The following NEK11 variants were observed in gnomAD, a reference collection of about 807,000 sequenced individuals.
NEK11 encodes serine/threonine-protein kinase Nek11.
In NEK11, 72 loss-of-function variants were observed where a neutral mutation model predicts 80.7. That is an observed-to-expected ratio of 0.89 (90% CI 0.74 to 1.08). The LOEUF is 1.08. Among genes scored for constraint, NEK11 ranks in the 50% least tolerant of loss-of-function variants. The probability of loss-of-function intolerance (pLI) is 0.00; values close to 1 mark genes in which losing one functional copy is unlikely to be tolerated. For synonymous variants in NEK11, 251 were observed against 260.7 expected (o/e 0.96, Z 0.36); for missense variants, 764 against 763.6 (o/e 1.00, Z -0.01).
intron 17 of NEK11, among the ~76,000 whole-genome samples, chr3:131,304,504 G>A (rs2096701001): frequency 6.6e-6 from 1 of 152,312 alleles, no homozygotes; most frequent in Admixed American, 6.5e-5. Flanking sequence ...TCTTGTGCTG[G>A]TTCTTTCTCA....
intron 16 of NEK11, among the ~76,000 whole-genome samples, chr3:131,249,627 A>C (rs779433432): frequency 6.6e-6 from 1 of 152,124 alleles, no homozygotes; most frequent in African/African-American, 2.4e-5. Context: ...CCCAGATACC[A>C]TTCCTACTTG....
intron 4 of NEK11, among the ~76,000 whole-genome samples, chr3:131,091,588 A>C (rs1282394974): frequency 6.6e-6 from 1 of 152,338 alleles, no homozygotes; most frequent in East Asian, 1.9e-4. Flanking sequence ...AAAAATAAAG[A>C]AGTTGATATA....
intron 17 of NEK11, among the ~76,000 whole-genome samples, chr3:131,285,007 C>G (rs900712019): frequency 9.9e-5 from 15 of 152,136 alleles, no homozygotes; most frequent in Admixed American, 8.5e-4. Context: ...TAGTTCTGTC[C>G]CTCTAGAGAA....
intron 17 of NEK11, among the ~76,000 whole-genome samples, chr3:131,298,858 CCTT>C (rs2096630028): frequency 6.7e-6 from 1 of 150,298 alleles, no homozygotes; most frequent in African/African-American, 2.4e-5. Context: ...TCTCTGTTCT[CCTT>C]CTAGTATTTT....
At chr3:131,197,404 G>A (rs1022843889) in intron 14 of NEK11, among the ~76,000 whole-genome samples, 1 of 152,160 alleles carries the variant, frequency 6.6e-6, no homozygotes, top group Non-Finnish European at 1.5e-5. Context: ...GACTGCGTCT[G>A]GGGCTCCATT....
chr3:131,195,943 G>A (rs958714992), intron 14 of NEK11, among the ~76,000 whole-genome samples: 4 of 150,950 alleles, frequency 2.6e-5, no homozygotes, highest in Admixed American at 6.6e-5. Context: ...AAATGCGTCC[G>A]ATAAATACTT....
chr3:131,302,240 C>T (rs569029449), intron 17 of NEK11, among the ~76,000 whole-genome samples: 6 of 151,196 alleles, frequency 4.0e-5, no homozygotes, highest in Non-Finnish European at 4.4e-5. Context: ...TTATTTGGGT[C>T]TTCTCATTTT....
At position 131,165,532 on chromosome 3, in the gene NEK11, T is replaced by A; in HGVS notation, c.1176+13T>A. ...TGATGTACTCCATGTAAGTACCCTC[T>A]TATTTTAAATTTTACATAAAAATTT... On this transcript the variant is annotated intron_variant, in intron 12 of 17. Transcript: ENST00000383366. 2 of 1,541,390 alleles carry A rather than the reference T, an allele frequency of 1.3e-6. No individual in the cohort carries two copies. Among genetic ancestry groups the A allele is most frequent in the Non-Finnish European group, 1.8e-6 (2 of 1,124,560 alleles).
chr3:131,184,728 G>T, intron 14 of NEK11: 2 of 1,245,072 alleles, frequency 1.6e-6, no homozygotes, highest in Non-Finnish European at 2.1e-6. Flanking sequence ...TTCACTAGAC[G>T]AATACTGGAA....
At chr3:131,179,167 T>G (rs900500984) in intron 14 of NEK11, among the ~76,000 whole-genome samples, 6 of 152,150 alleles carry the variant, frequency 3.9e-5, no homozygotes, top group Non-Finnish European at 8.8e-5. Context: ...CTGCAGAGGA[T>G]CAAGCAATAA....
chr3:131,125,320 T>C (rs1464916603), intron 5 of NEK11, among the ~76,000 whole-genome samples: 1 of 152,192 alleles, frequency 6.6e-6, no homozygotes, highest in East Asian at 1.9e-4. Context: ...GCCTGAACAC[T>C]TTACAAAGGT....
intron 16 of NEK11, among the ~76,000 whole-genome samples, chr3:131,266,370 C>T (rs1191830614): frequency 1.3e-5 from 2 of 152,232 alleles, no homozygotes; most frequent in Non-Finnish European, 2.9e-5. Flanking sequence ...CCTCTAAACA[C>T]TGCTTTAGCT....
intron 14 of NEK11, among the ~76,000 whole-genome samples, chr3:131,203,603 T>C (rs2094327268): frequency 6.7e-6 from 1 of 149,714 alleles, no homozygotes; most frequent in Non-Finnish European, 1.5e-5. Flanking sequence ...AAACTTGGCT[T>C]CAGCTCCGCT....
At chr3:131,226,381 G>A (rs551083442) in intron 14 of NEK11, among the ~76,000 whole-genome samples, 1 of 152,234 alleles carries the variant, frequency 6.6e-6, no homozygotes, top group East Asian at 1.9e-4. Flanking sequence ...GCACGTTTAT[G>A]TTTATCACAA....
chr3:131,195,689 A>G (rs1379840116), intron 14 of NEK11, among the ~76,000 whole-genome samples: 3 of 151,804 alleles, frequency 2.0e-5, no homozygotes, highest in Non-Finnish European at 4.4e-5. Flanking sequence ...CCGGAGTTGT[A>G]CCATGAGTTG....
chr3:131,143,403 G>T (rs2087406975), intron 7 of NEK11, among the ~76,000 whole-genome samples: 1 of 152,038 alleles, frequency 6.6e-6, no homozygotes, highest in Non-Finnish European at 1.5e-5. Context: ...GTAGCTGTGT[G>T]GTTTGTGTTC....
intron 14 of NEK11, among the ~76,000 whole-genome samples, chr3:131,222,724 A>G (rs923242842): frequency 1.3e-5 from 2 of 152,238 alleles, no homozygotes; most frequent in Non-Finnish European, 2.9e-5. Context: ...CAGCCTCCAA[A>G]CCAGCAGCAT....
At chr3:131,246,520 A>G (rs1442235644) in intron 16 of NEK11, among the ~76,000 whole-genome samples, 1 of 152,130 alleles carries the variant, frequency 6.6e-6, no homozygotes, top group Non-Finnish European at 1.5e-5. Flanking sequence ...TCATTGATCG[A>G]TGGACATTTG....
chr3:131,255,127 A>AGAAAGAAAGAAAGAAAGAAG (rs149243171), intron 16 of NEK11, among the ~76,000 whole-genome samples: 1 of 148,164 alleles, frequency 6.7e-6, no homozygotes, highest in Non-Finnish European at 1.5e-5. Flanking sequence ...AAAGAAAGAA[A>AGAAAGAAAGAAAGAAAGAAG]GAGAGAAAGA....
Sources: allele counts gnomAD v4.1 joint callset (sites outside exome capture counted in the v4.1 genomes callset), GRCh38; gene constraint gnomAD v4.1.1; transcripts MANE v1.5; gene names NCBI Gene and HGNC (gene_info 2026-07-23, HGNC 2026-07-21).